Variants in MAN1A1 observed in about 807,000 individuals in gnomAD.
MAN1A1 encodes the protein mannosyl-oligosaccharide 1,2-alpha-mannosidase IA.
MAN1A1 carries 29 observed loss-of-function variants against 70.8 expected under a neutral mutation model. The observed-to-expected ratio is 0.41, with a 90% CI of 0.31 to 0.56. MAN1A1 has a LOEUF of 0.56. Ranked by LOEUF, MAN1A1 falls within the 20% of genes least tolerant of loss-of-function variation. MAN1A1 has a pLI of 0.29. For missense variants in MAN1A1, 747 were observed against 841.3 expected, an observed-to-expected ratio of 0.89 and a Z score of 1.39; for synonymous variants, 349 against 330.1, an observed-to-expected ratio of 1.06 and a Z score of -0.62.
At chr6:119,321,496 C>T (rs195055) in intron 2 of MAN1A1, among the ~76,000 whole-genome samples, 17,846 of 152,166 alleles carry the variant, frequency 0.12, 1,480 homozygotes, top group Admixed American at 0.25. Context: ...CTGTCCCTCT[C>T]GCCTGCTTCC....
chr6:119,315,507 T>C (rs1772827467), intron 2 of MAN1A1, among the ~76,000 whole-genome samples: 1 of 152,244 alleles, frequency 6.6e-6, no homozygotes, highest in African/African-American at 2.4e-5. Context: ...TTGGATCATA[T>C]GCATTTAATG....
At chr6:119,325,322 A>T (rs958036930) in intron 2 of MAN1A1, among the ~76,000 whole-genome samples, 3 of 152,158 alleles carry the variant, frequency 2.0e-5, no homozygotes, top group African/African-American at 7.2e-5. Context: ...GCTAAGATGC[A>T]GGGTGAATAA....
chr6:119,227,519 C>A (rs1774551802), intron 6 of MAN1A1, among the ~76,000 whole-genome samples: 1 of 152,146 alleles, frequency 6.6e-6, no homozygotes. Flanking sequence ...CAGTCTATTG[C>A]CCAAGCTAAG....
intron 7 of MAN1A1, among the ~76,000 whole-genome samples, chr6:119,204,074 C>A (rs1773792213): frequency 6.6e-6 from 1 of 152,154 alleles, no homozygotes. Context: ...GAGAGTATTA[C>A]ATGCCAAGCG....
intron 2 of MAN1A1, among the ~76,000 whole-genome samples, chr6:119,311,040 T>A (rs1772686821): frequency 6.6e-6 from 1 of 152,194 alleles, no homozygotes. Context: ...CCATCGTCAG[T>A]GTGACTCTAA....
intron 12 of MAN1A1, 106 bp downstream of exon 12, chr6:119,180,206 T>C: frequency 1.2e-6 from 1 of 818,160 alleles, no homozygotes. Flanking sequence ...CCTGATATTC[T>C]GAATCAGGCA....
chr6:119,327,504 C>T (rs778741161), intron 2 of MAN1A1: 1 of 151,100 alleles, frequency 6.6e-6, no homozygotes, highest in Non-Finnish European at 1.5e-5. Flanking sequence ...ATTCTCCTGC[C>T]TCATCCTCCC....
chr6:119,345,915 G>C (rs1330871202), intron 2 of MAN1A1, among the ~76,000 whole-genome samples: 3 of 152,190 alleles, frequency 2.0e-5, no homozygotes, highest in Non-Finnish European at 4.4e-5. Context: ...TGACCAGCCT[G>C]GCCAACATGG....
At chr6:119,312,177 T>G (rs533477658) in intron 2 of MAN1A1, among the ~76,000 whole-genome samples, 1 of 152,188 alleles carries the variant, frequency 6.6e-6, no homozygotes, top group Admixed American at 6.5e-5. Flanking sequence ...AAGAGCAATC[T>G]AACTCACTGA....
chr6:119,322,493 C>A (rs1773036602), intron 2 of MAN1A1, among the ~76,000 whole-genome samples: 1 of 152,100 alleles, frequency 6.6e-6, no homozygotes, highest in African/African-American at 2.4e-5. Context: ...GTCTTTGGGA[C>A]CCTCTAGTCA....
In MAN1A1 at chr6:119,306,876, A is replaced by G. The variant is rs778107825; in HGVS notation, c.700+20T>C. On this transcript the variant is annotated intron_variant, in intron 3 of 12. Coordinates refer to ENST00000368468, the MANE Select transcript of MAN1A1 (RefSeq NM_005907.4). The stretch of plus-strand genomic sequence containing the variant: ...GGGGAGAAGTTATCGTCACTAAGAA[A>G]CCAAAGCACATCTACTCACCAAACA... 55 of 1,513,782 alleles carry G rather than the reference A, an allele frequency of 3.6e-5. No homozygotes were observed. The highest frequency in any genetic ancestry group is 5.5e-5 in the African/African-American group (4 of 72,618). The allele number at this position is 1,513,782 out of a possible 1,614,324, so 93.8% of individuals were successfully genotyped here.
chr6:119,251,310 T>C (rs1222809596), intron 5 of MAN1A1, among the ~76,000 whole-genome samples: 2 of 152,214 alleles, frequency 1.3e-5, no homozygotes, highest in African/African-American at 4.8e-5. Context: ...CAACCACCTC[T>C]ATGAATCAGA....
At chr6:119,262,906 T>A (rs1374122671) in intron 5 of MAN1A1, among the ~76,000 whole-genome samples, 1 of 152,160 alleles carries the variant, frequency 6.6e-6, no homozygotes, top group Non-Finnish European at 1.5e-5. Flanking sequence ...CAAAAGAGAT[T>A]AACGTTTGAA....
intron 6 of MAN1A1, among the ~76,000 whole-genome samples, chr6:119,224,591 G>A (rs1774454450): frequency 6.6e-6 from 1 of 152,096 alleles, no homozygotes; most frequent in Non-Finnish European, 1.5e-5. Flanking sequence ...TATATCAAAA[G>A]CTACTTAACA....
At chr6:119,268,957 T>A (rs1452945394) in intron 5 of MAN1A1, among the ~76,000 whole-genome samples, 1 of 152,056 alleles carries the variant, frequency 6.6e-6, no homozygotes, top group Non-Finnish European at 1.5e-5. Flanking sequence ...TTAGAGTCAT[T>A]TAAAGTAACA....
rs1397120655 is a variant in MAN1A1, at chr6:119,240,663, CA to C, written c.992+7596del. ...GAGGTTCAGGCATCCTGAGGTTCTT[CA>C]AATTCCTACCGCCTCACAATGCATG... On this transcript the variant is annotated intron_variant, in intron 6 of 12. Coordinates refer to ENST00000368468, the MANE Select transcript of MAN1A1 (RefSeq NM_005907.4). Among the ~76,000 whole-genome samples, 4 of 152,338 alleles carry C rather than the reference CA, an allele frequency of 2.6e-5. No homozygotes were observed. In the East Asian group the frequency reaches 7.7e-4, roughly 29 times the overall value.
intron 2 of MAN1A1, among the ~76,000 whole-genome samples, chr6:119,348,026 C>T (rs965366633): frequency 6.6e-6 from 1 of 152,252 alleles, no homozygotes; most frequent in Non-Finnish European, 1.5e-5. Flanking sequence ...AAGGGCCACA[C>T]AGCTGAACCC....
At chr6:119,267,666 G>A (rs1775795660) in intron 5 of MAN1A1, among the ~76,000 whole-genome samples, 1 of 152,102 alleles carries the variant, frequency 6.6e-6, no homozygotes, top group South Asian at 2.1e-4. Context: ...GAAACCCTAT[G>A]TGGGCCTTGT....
intron 2 of MAN1A1, among the ~76,000 whole-genome samples, chr6:119,346,028 C>A (rs1403986665): frequency 6.6e-6 from 1 of 152,174 alleles, no homozygotes; most frequent in African/African-American, 2.4e-5. Context: ...ATTGCTTGAA[C>A]CCAGGAGGCA....
Sources: gnomAD v4.1 joint callset for allele counts (sites outside exome capture counted in the v4.1 genomes callset) on GRCh38, gnomAD v4.1.1 for gene constraint, MANE v1.5 for transcripts, NCBI Gene and HGNC (gene_info 2026-07-23, HGNC 2026-07-21) for gene names.